Variants in NTNG2 observed in about 807,000 individuals in gnomAD.
NTNG2 encodes netrin-G2.
In NTNG2, 15 loss-of-function variants were observed where a neutral mutation model predicts 47.6. That is an observed-to-expected ratio of 0.32 (90% CI 0.21 to 0.49). The LOEUF (loss-of-function observed/expected upper bound fraction) is 0.49. Ranked by LOEUF, NTNG2 falls within the 20% of genes least tolerant of loss-of-function variation. NTNG2 has a pLI of 0.99. For missense variants in NTNG2, 578 were observed against 764.6 expected (o/e 0.76, Z 2.88); for synonymous variants, 307 against 324.6 (o/e 0.95, Z 0.58).
At chr9:132,168,915 G>A (rs918931187) in intron 2 of NTNG2, among the ~76,000 whole-genome samples, 4 of 152,134 alleles carry the variant, frequency 2.6e-5, no homozygotes, top group Non-Finnish European at 4.4e-5. Flanking sequence ...AGTCAAGTCC[G>A]AGGCCCTCTC....
intron 5 of NTNG2, among the ~76,000 whole-genome samples, chr9:132,238,791 G>C (rs1041121610): frequency 1.3e-5 from 2 of 152,240 alleles, no homozygotes; most frequent in African/African-American, 4.8e-5. Flanking sequence ...CCTTCAGCGA[G>C]CGCTTGGCCC....
intron 2 of NTNG2, among the ~76,000 whole-genome samples, chr9:132,191,904 T>C (rs1357332810): frequency 1.3e-5 from 2 of 152,166 alleles, no homozygotes; most frequent in Non-Finnish European, 2.9e-5. Context: ...ATCCCAAGAC[T>C]CTTTTTAAAA....
At chr9:132,210,775 G>A (rs1839533451) in intron 3 of NTNG2, among the ~76,000 whole-genome samples, 1 of 152,198 alleles carries the variant, frequency 6.6e-6, no homozygotes, top group East Asian at 1.9e-4. Context: ...CCTGGGCTGG[G>A]CTGCCTCCCT....
chr9:132,177,575 T>A (rs1836560336), intron 2 of NTNG2, among the ~76,000 whole-genome samples: 1 of 152,218 alleles, frequency 6.6e-6, no homozygotes, highest in African/African-American at 2.4e-5. Flanking sequence ...CCACTAAATG[T>A]TCTTGGCAAC....
intron 3 of NTNG2, among the ~76,000 whole-genome samples, chr9:132,223,156 C>T (rs1001452844): frequency 4.6e-5 from 7 of 152,008 alleles, no homozygotes; most frequent in African/African-American, 1.5e-4. Context: ...CCATAATTTC[C>T]CTAACCATTC....
chr9:132,207,377 G>A (rs987804413), intron 3 of NTNG2, among the ~76,000 whole-genome samples: 1 of 152,182 alleles, frequency 6.6e-6, no homozygotes, highest in African/African-American at 2.4e-5. Flanking sequence ...GCTCGCTCCT[G>A]GTGGGGCCGG....
intron 2 of NTNG2, among the ~76,000 whole-genome samples, chr9:132,181,897 G>T (rs1374641121): frequency 6.6e-6 from 1 of 152,240 alleles, no homozygotes; most frequent in African/African-American, 2.4e-5. Flanking sequence ...TAAACAGGCT[G>T]CTCAGCTGAC....
rs1014024342 is a variant in NTNG2 at position 132,197,250 on chromosome 9, G to A, written c.214-716G>A. 1.3e-5 allele frequency among the ~76,000 whole-genome samples: 2 copies of A among 152,166 alleles called. No individual in the cohort carries two copies. Among genetic ancestry groups the A allele is most frequent in the Non-Finnish European group, 2.9e-5 (2 of 68,034 alleles). ...CTAAAAACACAAAAATTAGCCGGGC[G>A]TGGTGGTGCATGCCTGTAATCCCAG... is the stretch of plus-strand genomic sequence containing the variant. On this transcript the variant is annotated intron_variant, in intron 2 of 7. Coordinates refer to ENST00000393229, the MANE Select transcript of NTNG2 (RefSeq NM_032536.4). The surrounding 1 kb of genome is among the most constrained non-coding windows in gnomAD (Gnocchi z 4.3).
At position 132,215,549 on chromosome 9, in the gene NTNG2, C is replaced by T. The variant is rs1025478128; in HGVS notation, c.858-11300C>T. ...GAGCCAAGATCGAACCACTGCACTC[C>T]GGTCTAGATGACAAAGCGAGATTCC... On this transcript the variant is annotated intron_variant, in intron 3 of 7. Coordinates refer to ENST00000393229, the MANE Select transcript of NTNG2 (RefSeq NM_032536.4). The surrounding 1 kb of genome is among the most constrained non-coding windows in gnomAD (Gnocchi z 4.2). Among the ~76,000 whole-genome samples, 18 of 152,102 alleles carry T rather than the reference C, an allele frequency of 1.2e-4. No homozygotes were observed. The highest frequency in any genetic ancestry group is 3.9e-4 in the African/African-American group (16 of 41,424).
At chr9:132,164,733 G>A (rs1396838963) in intron 1 of NTNG2, among the ~76,000 whole-genome samples, 12 of 152,258 alleles carry the variant, frequency 7.9e-5, no homozygotes, top group Admixed American at 4.6e-4. Context: ...GAGGTGAGAC[G>A]GGGAAAATGG....
At position 132,166,809 on chromosome 9, in the gene NTNG2, G is replaced by T. The variant is rs147944672; in HGVS notation, c.-23G>T. On this transcript the variant is annotated 5_prime_UTR_variant, in exon 2 of 8. Coordinates refer to ENST00000393229, the MANE Select transcript of NTNG2 (RefSeq NM_032536.4). The stretch of plus-strand genomic sequence containing the variant: ...TGCCTCTCCAGGGCTTCTCTGGGCC[G>T]CGCCTCTGCAGACTGCGCAGCCATG... 2.5e-6 allele frequency: 4 copies of T among 1,611,342 alleles called. No individual in the cohort carries two copies. The highest frequency in any genetic ancestry group is 3.4e-6 in the Non-Finnish European group (4 of 1,178,722).
At chr9:132,212,750 G>C (rs115873222) in intron 3 of NTNG2, among the ~76,000 whole-genome samples, 45 of 152,322 alleles carry the variant, frequency 3.0e-4, no homozygotes, top group African/African-American at 1.1e-3. Flanking sequence ...GAATTAGCTA[G>C]AAGTGCAGTT....
chr9:132,205,374 T>C (rs1040436599), intron 3 of NTNG2, among the ~76,000 whole-genome samples: 3 of 152,108 alleles, frequency 2.0e-5, no homozygotes, highest in African/African-American at 7.2e-5. Flanking sequence ...ACAAGTACCA[T>C]ATGATTCTGC....
intron 2 of NTNG2, among the ~76,000 whole-genome samples, chr9:132,192,620 G>C (rs1317470713): frequency 2.0e-5 from 3 of 151,984 alleles, no homozygotes; most frequent in African/African-American, 7.3e-5. Context: ...AACAAGAATA[G>C]AAGGAAAGTG....
intron 3 of NTNG2, among the ~76,000 whole-genome samples, chr9:132,216,859 G>T (rs1331713209): frequency 3.9e-5 from 6 of 152,232 alleles, no homozygotes; most frequent in Non-Finnish European, 7.3e-5. Context: ...ACGTGGCAAA[G>T]GGGGCTTCTT....
intron 3 of NTNG2, among the ~76,000 whole-genome samples, chr9:132,205,651 C>G (rs1407915520): frequency 6.6e-6 from 1 of 152,036 alleles, no homozygotes; most frequent in Non-Finnish European, 1.5e-5. Flanking sequence ...GAGGCCGAGG[C>G]GGGCGGATCA....
intron 3 of NTNG2, among the ~76,000 whole-genome samples, chr9:132,203,620 A>C (rs761826584): frequency 6.6e-6 from 1 of 152,086 alleles, no homozygotes; most frequent in Non-Finnish European, 1.5e-5. Context: ...AAAACAAAAT[A>C]CCCCTGCAGC....
intron 3 of NTNG2, among the ~76,000 whole-genome samples, chr9:132,207,743 C>T (rs968731348): frequency 3.3e-5 from 5 of 152,298 alleles, no homozygotes; most frequent in South Asian, 2.1e-4. Flanking sequence ...CTGACGCTCC[C>T]GTAGTGGGAG....
At chr9:132,170,605 C>T (rs956890515) in intron 2 of NTNG2, among the ~76,000 whole-genome samples, 6 of 152,152 alleles carry the variant, frequency 3.9e-5, no homozygotes, top group African/African-American at 1.2e-4. Flanking sequence ...ACACGTCTCC[C>T]GCCAGCCACC....
Sources: allele counts gnomAD v4.1 joint callset (sites outside exome capture counted in the v4.1 genomes callset), GRCh38; gene constraint gnomAD v4.1.1; non-coding constraint Gnocchi (gnomAD v3.1); transcripts MANE v1.5; gene names NCBI Gene and HGNC (gene_info 2026-07-23, HGNC 2026-07-21).